Variants in SRGAP1 observed in about 807,000 individuals in gnomAD.
SRGAP1 encodes SLIT-ROBO Rho GTPase activating protein 1.
In SRGAP1, 43 loss-of-function variants were observed where a neutral mutation model predicts 121.9. That is an observed-to-expected ratio of 0.35 (90% CI 0.28 to 0.46). The LOEUF (loss-of-function observed/expected upper bound fraction) is 0.46. Among genes scored for constraint, SRGAP1 ranks in the 20% least tolerant of loss-of-function variants. SRGAP1 has a pLI of 1.00. For missense variants in SRGAP1, 1,102 were observed against 1,350.9 expected, an observed-to-expected ratio of 0.82 and a Z score of 2.89; for synonymous variants, 447 against 485.4, an observed-to-expected ratio of 0.92 and a Z score of 1.04.
chr12:64,016,268 C>T (rs1379156685), intron 3 of SRGAP1, among the ~76,000 whole-genome samples: 2 of 152,078 alleles, frequency 1.3e-5, no homozygotes, highest in Non-Finnish European at 2.9e-5. Context: ...GAAACCCCGT[C>T]TCTACAAAAA....
rs2037196321 is a variant in SRGAP1 at position 64,159,703 on chromosome 12, A to G, written c.*17031A>G. 6.6e-6 allele frequency: 1 copy of G among 152,238 alleles called. No homozygotes were observed. Among genetic ancestry groups the G allele is most frequent in the Non-Finnish European group, 1.5e-5 (1 of 68,064 alleles). 9.4% of individuals were successfully genotyped at this position (152,238 alleles called of 1,614,324 possible). On this transcript the variant is annotated 3_prime_UTR_variant, in exon 22 of 22. Coordinates refer to ENST00000355086, the MANE Select transcript of SRGAP1 (RefSeq NM_020762.4). ...TTTCCAAGCAGTCTCTTCCCCTGCC[A>G]TGGCACTCATAGAAGCCTCCCGTTA... is the stretch of plus-strand genomic sequence containing the variant.
At chr12:64,121,655 C>A (rs1209979071) in intron 18 of SRGAP1, among the ~76,000 whole-genome samples, 1 of 152,134 alleles carries the variant, frequency 6.6e-6, no homozygotes, top group African/African-American at 2.4e-5. Flanking sequence ...TTCACTGCTG[C>A]CTTCTCTTAG....
intron 1 of SRGAP1, among the ~76,000 whole-genome samples, chr12:63,970,829 C>T (rs2032925368): frequency 6.6e-6 from 1 of 152,148 alleles, no homozygotes; most frequent in Admixed American, 6.5e-5. Flanking sequence ...TTAGTTAGAA[C>T]ATAAATCTAC....
At chr12:63,909,889 A>G (rs1354223813) in intron 1 of SRGAP1, among the ~76,000 whole-genome samples, 3 of 152,224 alleles carry the variant, frequency 2.0e-5, no homozygotes, top group African/African-American at 7.2e-5. Flanking sequence ...CTGAGTTTTT[A>G]CTGTTAAGGC....
At chr12:64,047,734 G>A (rs996297116) in intron 6 of SRGAP1, among the ~76,000 whole-genome samples, 2 of 152,028 alleles carry the variant, frequency 1.3e-5, no homozygotes, top group Non-Finnish European at 2.9e-5. Flanking sequence ...TGATACCACA[G>A]AAAAGTCATA....
At position 64,019,088 on chromosome 12, in the gene SRGAP1, T is replaced by C. The variant is rs2034480833; in HGVS notation, c.489+2076T>C. ...CATGCCATCTTGGGTTAGAGCCTGT[T>C]GATTATGGTCTGAAAATAGTAGTAG... On this transcript the variant is annotated intron_variant, in intron 4 of 21. Coordinates refer to ENST00000355086, the MANE Select transcript of SRGAP1 (RefSeq NM_020762.4). 2.0e-5 allele frequency among the ~76,000 whole-genome samples: 3 copies of C among 152,344 alleles called. No individual in the cohort carries two copies. The South Asian group carries it at 6.2e-4, about 32-fold the overall frequency.
chr12:63,984,948 G>A (rs531256685), intron 2 of SRGAP1, among the ~76,000 whole-genome samples: 4 of 151,652 alleles, frequency 2.6e-5, no homozygotes, highest in South Asian at 2.1e-4. Context: ...CCTGGGCGGC[G>A]GAGGTTGCAG....
At chr12:64,039,238 C>T (rs577900213) in intron 4 of SRGAP1, among the ~76,000 whole-genome samples, 2 of 152,238 alleles carry the variant, frequency 1.3e-5, no homozygotes, top group South Asian at 2.1e-4. Context: ...ATTTGCTTTC[C>T]GGAAATTACC....
rs920559075 is a variant in SRGAP1, at chr12:64,161,668, C to T, written c.*18996C>T. 2.5e-4 allele frequency: 38 copies of T among 152,086 alleles called. No homozygotes were observed. Among genetic ancestry groups the T allele is most frequent in the Admixed American group, 2.1e-3 (32 of 15,268 alleles). 9.4% of individuals were successfully genotyped at this position (152,086 alleles called of 1,614,324 possible). ...TTTTGACCTGTGTTTGCTTTGCTTT[C>T]GTTTATGTTACAGGCTTTCCTAAAA... On this transcript the variant is annotated 3_prime_UTR_variant, in exon 22 of 22. Transcript: ENST00000355086.
At chr12:64,102,512 T>G (rs2036272892) in intron 15 of SRGAP1, among the ~76,000 whole-genome samples, 1 of 152,172 alleles carries the variant, frequency 6.6e-6, no homozygotes, top group Non-Finnish European at 1.5e-5. Context: ...AGTACATTTT[T>G]ATTACCCCCA....
intron 4 of SRGAP1, among the ~76,000 whole-genome samples, chr12:64,034,115 T>G (rs554661854): frequency 2.0e-5 from 3 of 152,312 alleles, no homozygotes; most frequent in East Asian, 3.9e-4. Flanking sequence ...AAATCTCATG[T>G]TGAATTGTAA....
intron 1 of SRGAP1, among the ~76,000 whole-genome samples, chr12:63,868,051 TA>T (rs1565927579): frequency 5.7e-5 from 2 of 34,842 alleles, no homozygotes; most frequent in African/African-American, 1.6e-4. Flanking sequence ...TATATATATA[TA>T]TATATTTTTT....
chr12:63,914,785 C>A (rs943101321), intron 1 of SRGAP1, among the ~76,000 whole-genome samples: 1 of 151,876 alleles, frequency 6.6e-6, no homozygotes, highest in Non-Finnish European at 1.5e-5. Context: ...TATTTTTTTC[C>A]GTACTTTTTT....
intron 18 of SRGAP1, among the ~76,000 whole-genome samples, chr12:64,121,523 G>C (rs1224747484): frequency 1.3e-5 from 2 of 152,088 alleles, no homozygotes; most frequent in Non-Finnish European, 2.9e-5. Flanking sequence ...CCAAAATGCT[G>C]GGATTGCAGG....
intron 1 of SRGAP1, among the ~76,000 whole-genome samples, chr12:63,868,653 C>T (rs1250244225): frequency 2.0e-5 from 3 of 152,286 alleles, no homozygotes; most frequent in Non-Finnish European, 4.4e-5. Context: ...TGAGCCACTG[C>T]GCCTGGCCTG....
intron 1 of SRGAP1, among the ~76,000 whole-genome samples, chr12:63,938,087 T>TACTG (rs1434887764): frequency 6.6e-6 from 1 of 152,168 alleles, no homozygotes; most frequent in Non-Finnish European, 1.5e-5. Context: ...CAGCGGTTTC[T>TACTG]ACTGAGATGA....
chr12:64,022,652 C>T (rs1175876909), intron 4 of SRGAP1, among the ~76,000 whole-genome samples: 1 of 152,166 alleles, frequency 6.6e-6, no homozygotes, highest in Non-Finnish European at 1.5e-5. Context: ...GGGGAAGGGT[C>T]AATGCTTAAA....
intron 1 of SRGAP1, among the ~76,000 whole-genome samples, chr12:63,976,806 A>G (rs1178648020): frequency 6.6e-6 from 1 of 152,108 alleles, no homozygotes; most frequent in Non-Finnish European, 1.5e-5. Flanking sequence ...GTATTAGGTG[A>G]CACTGTAACT....
chr12:63,861,326 G>A (rs1448206993), intron 1 of SRGAP1, among the ~76,000 whole-genome samples: 2 of 144,346 alleles, frequency 1.4e-5, no homozygotes, highest in Non-Finnish European at 3.0e-5. Context: ...TTGAGGCAAA[G>A]TCTTGCTCTG....
Sources: allele counts gnomAD v4.1 joint callset (sites outside exome capture counted in the v4.1 genomes callset), GRCh38; gene constraint gnomAD v4.1.1; transcripts MANE v1.5; gene names NCBI Gene and HGNC (gene_info 2026-07-23, HGNC 2026-07-21).